PARD3B: variants seen among roughly 807,000 people sequenced by gnomAD.
PARD3B encodes the protein partitioning defective 3 homolog B.
PARD3B carries 103 observed loss-of-function variants against 130.2 expected under a neutral mutation model. The ratio of observed to expected loss-of-function variants is 0.79; its 90% CI spans 0.67 to 0.93. PARD3B has a LOEUF of 0.93. PARD3B is among the 40% of genes least tolerant of loss of function. The pLI, the probability that PARD3B is intolerant of heterozygous loss-of-function variation, is 0.00. For synonymous variants in PARD3B, 583 were observed against 553.2 expected (o/e 1.05, Z -0.76); for missense variants, 1,609 against 1,499.2 (o/e 1.07, Z -1.21).
chr2:205,060,309 A>G (rs976768099), intron 4 of PARD3B, among the ~76,000 whole-genome samples: 3 of 152,162 alleles, frequency 2.0e-5, no homozygotes, highest in African/African-American at 7.2e-5. Context: ...TTGTACAGTT[A>G]GTCTCAGACT....
intron 2 of PARD3B, among the ~76,000 whole-genome samples, chr2:204,770,811 C>T (rs755926384): frequency 3.9e-5 from 6 of 152,144 alleles, no homozygotes; most frequent in South Asian, 2.1e-4. Context: ...TAACACCTGA[C>T]AGGCACTTAT....
chr2:205,395,674 A>T (rs1451710422), intron 18 of PARD3B, among the ~76,000 whole-genome samples: 1 of 152,144 alleles, frequency 6.6e-6, no homozygotes, highest in Non-Finnish European at 1.5e-5. Context: ...CTCAATGGCC[A>T]CTTCTCTAGT....
chr2:205,058,933 T>A (rs1162060808), intron 4 of PARD3B, among the ~76,000 whole-genome samples: 1 of 146,806 alleles, frequency 6.8e-6, no homozygotes, highest in Non-Finnish European at 1.5e-5. Context: ...CATTTTTAAT[T>A]TTCATGAAGT....
intron 11 of PARD3B, among the ~76,000 whole-genome samples, chr2:205,164,433 T>C (rs2125726406): frequency 6.6e-6 from 1 of 152,262 alleles, no homozygotes; most frequent in East Asian, 1.9e-4. Flanking sequence ...GTCACTGTGC[T>C]CTAGGCCTGG....
chr2:204,618,756 A>T (rs184651817), intron 1 of PARD3B, among the ~76,000 whole-genome samples: 1 of 152,314 alleles, frequency 6.6e-6, no homozygotes, highest in East Asian at 1.9e-4. Flanking sequence ...GTAGCAGAGA[A>T]GAAAGGAAAA....
chr2:204,698,559 T>C (rs985721768), intron 2 of PARD3B, among the ~76,000 whole-genome samples: 1 of 152,002 alleles, frequency 6.6e-6, no homozygotes, highest in South Asian at 2.1e-4. Context: ...GTTTTTTTTT[T>C]CTGGAAGAAA....
intron 18 of PARD3B, among the ~76,000 whole-genome samples, chr2:205,329,743 C>T (rs2043047470): frequency 6.6e-6 from 1 of 152,166 alleles, no homozygotes; most frequent in Non-Finnish European, 1.5e-5. Context: ...GTAATCCTAG[C>T]ATTGTGGGAG....
rs142121515 is a variant in PARD3B at position 205,619,596 on chromosome 2, G to A, written c.*3783G>A. ...ACTTAGCTGGAAACGATGCCACAGC[G>A]AGACCAGAAAGAGGAGTCGCCTTAA... On this transcript the variant is annotated 3_prime_UTR_variant, in exon 23 of 23. Transcript: ENST00000406610. The A allele has an allele frequency of 1.2e-4, 19 of 152,248 alleles. No individual in the cohort carries two copies. The highest frequency in any genetic ancestry group is 3.9e-4 in the African/African-American group (16 of 41,548). 9.4% of individuals were successfully genotyped at this position (152,248 alleles called of 1,614,324 possible).
chr2:204,797,090 G>A (rs1370512967), intron 2 of PARD3B, among the ~76,000 whole-genome samples: 5 of 149,652 alleles, frequency 3.3e-5, no homozygotes, highest in Non-Finnish European at 7.4e-5. Context: ...CAGGAGAATC[G>A]CTTGAACCGA....
At position 204,665,310 on chromosome 2, in the gene PARD3B, A is replaced by G. The variant is rs187766410; in HGVS notation, c.121-20871A>G. On this transcript the variant is annotated intron_variant, in intron 1 of 22. Coordinates refer to ENST00000406610, the MANE Select transcript of PARD3B (RefSeq NM_001302769.2). ...TCTGCCTGGGAATGACCCACCCTCA[A>G]GCTGTTTGGCTCCTGTTAAAAGGAC... Among the ~76,000 whole-genome samples, 1,319 of 152,224 alleles carry G rather than the reference A, an allele frequency of 8.7e-3. 8 individuals are homozygous for G. Among genetic ancestry groups the G allele is most frequent in the Middle Eastern group, 0.017 (5 of 292 alleles).
intron 3 of PARD3B, among the ~76,000 whole-genome samples, chr2:205,045,866 G>A (rs954660203): frequency 7.9e-5 from 12 of 151,802 alleles, no homozygotes; most frequent in Admixed American, 4.6e-4. Context: ...ATTGTTGATC[G>A]CTAAAATGTT....
intron 15 of PARD3B, among the ~76,000 whole-genome samples, chr2:205,218,923 T>A (rs570643760): frequency 6.6e-6 from 1 of 152,028 alleles, no homozygotes; most frequent in East Asian, 1.9e-4. Flanking sequence ...CCACTAAAAA[T>A]ACAAAAATCA....
At chr2:204,931,078 G>A (rs1304163855) in intron 2 of PARD3B, among the ~76,000 whole-genome samples, 2 of 152,166 alleles carry the variant, frequency 1.3e-5, no homozygotes, top group South Asian at 2.1e-4. Context: ...GCCGATAGAA[G>A]GAATGGCTTA....
rs1288068930 is a variant in PARD3B, at chr2:205,268,755, T to A, written c.2185+22933T>A. Among the ~76,000 whole-genome samples, 3 of 152,142 alleles carry A rather than the reference T, an allele frequency of 2.0e-5. No homozygotes were observed. The highest frequency in any genetic ancestry group is 4.4e-5 in the Non-Finnish European group (3 of 68,022). ...TAGTGCCAATTTGACAGAAGAGACTTCTCAGCTCTTTGGGGAAAATATTGA... is the reference window on the plus strand; with the variant it reads ...TAGTGCCAATTTGACAGAAGAGACTACTCAGCTCTTTGGGGAAAATATTGA... On this transcript the variant is annotated intron_variant, in intron 16 of 22. Transcript: ENST00000406610. This position sits in a 1 kb window ranked among gnomAD's most constrained non-coding sequence, Gnocchi z 4.1.
chr2:204,926,972 AG>A (rs1687666764), intron 2 of PARD3B, among the ~76,000 whole-genome samples: 1 of 152,156 alleles, frequency 6.6e-6, no homozygotes. Flanking sequence ...CTGGAAGAGG[AG>A]CAAGTAATTC....
intron 2 of PARD3B, among the ~76,000 whole-genome samples, chr2:204,807,955 G>A (rs2042833740): frequency 6.6e-6 from 1 of 151,860 alleles, no homozygotes; most frequent in Non-Finnish European, 1.5e-5. Flanking sequence ...ATAACTAAAA[G>A]AGTATAACTG....
intron 13 of PARD3B, among the ~76,000 whole-genome samples, chr2:205,184,684 G>A (rs1341647935): frequency 6.6e-6 from 1 of 152,068 alleles, no homozygotes; most frequent in African/African-American, 2.4e-5. Context: ...AGAGCTTGCA[G>A]TGAGCCAAGA....
rs1361726819 is a variant in PARD3B at position 205,300,013 on chromosome 2, TC to T, written c.2186-515del. Among the ~76,000 whole-genome samples, 1 of 152,206 alleles carries T rather than the reference TC, an allele frequency of 6.6e-6. No individual in the cohort carries two copies. The highest frequency in any genetic ancestry group is 2.4e-5 in the African/African-American group (1 of 41,454). ...TCTTTTATTTCCATGCCCAGTATGT[TC>T]CTTACTAATCATATGAGCAACCATG... On this transcript the variant is annotated intron_variant, in intron 16 of 22. Transcript: ENST00000406610. The surrounding 1 kb of genome is among the most constrained non-coding windows in gnomAD (Gnocchi z 4.1).
At chr2:204,964,425 A>G (rs1691035925) in intron 2 of PARD3B, among the ~76,000 whole-genome samples, 2 of 152,210 alleles carry the variant, frequency 1.3e-5, no homozygotes, top group Admixed American at 6.6e-5. Flanking sequence ...TAGAGTTTTT[A>G]TATTAACAGT....
Sources: gnomAD v4.1 joint callset for allele counts (sites outside exome capture counted in the v4.1 genomes callset) on GRCh38, gnomAD v4.1.1 for gene constraint, Gnocchi (gnomAD v3.1) non-coding constraint, MANE v1.5 for transcripts, NCBI Gene and HGNC (gene_info 2026-07-23, HGNC 2026-07-21) for gene names.